KIF4A: variants seen among roughly 807,000 people sequenced by gnomAD.
KIF4A encodes kinesin family member 4A.
Under a neutral mutation model 105.9 loss-of-function variants are expected in KIF4A, and 7 were observed. The ratio of observed to expected loss-of-function variants is 0.07; its 90% CI spans 0.04 to 0.12. The LOEUF is 0.12. Among genes scored for constraint, KIF4A ranks in the 10% least tolerant of loss-of-function variants. The pLI is 1.00. For missense variants in KIF4A, 558 were observed against 929.2 expected, an observed-to-expected ratio of 0.60 and a Z score of 5.19; for synonymous variants, 281 against 331.3, an observed-to-expected ratio of 0.85 and a Z score of 1.65.
chrX:70,322,424 G>C (rs894708941), intron 7 of KIF4A, among the ~76,000 whole-genome samples: 2 of 109,442 alleles, frequency 1.8e-5, no homozygotes, highest in African/African-American at 6.7e-5. Context: ...CCATTCTCCT[G>C]CCTCAGCCTC....
intron 17 of KIF4A, 55 bp from the exon 18 acceptor site, chrX:70,376,045 C>T: frequency 1.2e-6 from 1 of 834,789 alleles, no homozygotes; most frequent in Admixed American, 2.5e-5. Flanking sequence ...CCATCCGCAC[C>T]AGCCTAGAAT....
At chrX:70,308,453 A>G (rs1007736952) in intron 7 of KIF4A, among the ~76,000 whole-genome samples, 6 of 112,560 alleles carry the variant, frequency 5.3e-5, no homozygotes, top group African/African-American at 1.6e-4. Context: ...TCCAGAGGTG[A>G]ACACTTTCAT....
chrX:70,339,423 G>A (rs1479260582), intron 10 of KIF4A, among the ~76,000 whole-genome samples: 2 of 111,660 alleles, frequency 1.8e-5, no homozygotes, highest in Non-Finnish European at 3.8e-5. Context: ...TACTCATTTA[G>A]AAGCAATTGA....
At chrX:70,302,235 C>A in intron 6 of KIF4A, 69 bp from the exon 7 acceptor site, 1 of 1,149,139 alleles carries the variant, frequency 8.7e-7, no homozygotes, top group South Asian at 1.9e-5. Flanking sequence ...GCTGACAGGT[C>A]AGCTTTGATA....
At chrX:70,386,046 A>G (rs1342381567) in intron 18 of KIF4A, among the ~76,000 whole-genome samples, 3 of 109,099 alleles carry the variant, frequency 2.7e-5, no homozygotes, top group South Asian at 4.1e-4. Flanking sequence ...AGAGCCCCCA[A>G]TGTCTATTGT....
intron 15 of KIF4A, among the ~76,000 whole-genome samples, chrX:70,365,051 A>G (rs1209948018): frequency 3.6e-5 from 4 of 111,145 alleles, no homozygotes; most frequent in Non-Finnish European, 7.5e-5. Context: ...TTTGTCTGTT[A>G]TTGGTGTATA....
At chrX:70,359,448 T>A (rs1387144844) in intron 15 of KIF4A, among the ~76,000 whole-genome samples, 5 of 108,884 alleles carry the variant, frequency 4.6e-5, no homozygotes, top group Non-Finnish European at 7.6e-5. Flanking sequence ...TCTCTCTCTC[T>A]CTCTCTCTTT....
intron 29 of KIF4A, among the ~76,000 whole-genome samples, chrX:70,419,396 G>C (rs1003351625): frequency 8.9e-6 from 1 of 112,156 alleles, no homozygotes; most frequent in Non-Finnish European, 1.9e-5. Context: ...ACCGAGGCTT[G>C]TCTTTGCTTT....
chrX:70,310,676 T>C (rs1296249373), intron 7 of KIF4A, among the ~76,000 whole-genome samples: 1 of 111,353 alleles, frequency 9.0e-6, no homozygotes, highest in African/African-American at 3.3e-5. Context: ...TTTGTATCAT[T>C]TTACACCCCA....
At chrX:70,385,511 G>T (rs1194159860) in intron 18 of KIF4A, among the ~76,000 whole-genome samples, 3 of 112,131 alleles carry the variant, frequency 2.7e-5, no homozygotes, top group Non-Finnish European at 5.6e-5. Context: ...TGTATTCTCT[G>T]GTAATCTCTG....
chrX:70,308,205 G>T (rs2085835059), intron 7 of KIF4A, among the ~76,000 whole-genome samples: 1 of 112,146 alleles, frequency 8.9e-6, no homozygotes, highest in African/African-American at 3.2e-5. Context: ...TCTTAGCTAG[G>T]CTTTTGTTTA....
chrX:70,397,574 C>T (rs1417984299), intron 22 of KIF4A, among the ~76,000 whole-genome samples: 1 of 112,102 alleles, frequency 8.9e-6, no homozygotes, highest in Non-Finnish European at 1.9e-5. Context: ...AATGAATGTT[C>T]TTCTGTCCCT....
At chrX:70,306,542 T>A (rs940837301) in intron 7 of KIF4A, among the ~76,000 whole-genome samples, 2 of 111,838 alleles carry the variant, frequency 1.8e-5, no homozygotes, top group Non-Finnish European at 3.8e-5. Flanking sequence ...TTATCTTTAT[T>A]TTATTTTATT....
chrX:70,341,739 C>T, intron 10 of KIF4A, 60 bp from the exon 11 acceptor site: 2 of 1,115,374 alleles, frequency 1.8e-6, no homozygotes, highest in South Asian at 4.1e-5. Flanking sequence ...TTTTTATCCA[C>T]CTTTGATATA....
intron 15 of KIF4A, among the ~76,000 whole-genome samples, chrX:70,366,969 T>G (rs2086106677): frequency 8.9e-6 from 1 of 112,229 alleles, no homozygotes; most frequent in Non-Finnish European, 1.9e-5. Context: ...GATAGTTAGC[T>G]CTTCTTGTTG....
intron 2 of KIF4A, 39 bp downstream of exon 2, chrX:70,290,617 G>A (rs1178306168): frequency 8.3e-7 from 1 of 1,206,417 alleles, no homozygotes; most frequent in Non-Finnish European, 1.1e-6. Context: ...TGAACAGCTG[G>A]GGCCAAATGG....
intron 20 of KIF4A, among the ~76,000 whole-genome samples, chrX:70,389,049 A>AG (rs1232671528): frequency 1.8e-5 from 2 of 111,319 alleles, no homozygotes; most frequent in African/African-American, 6.5e-5. Flanking sequence ...CAGGAGTTCA[A>AG]GACCAGCCTG....
rs899321671 is a variant in KIF4A at position 70,341,817 on chromosome X, T to C, written c.1152T>C (p.Asn384=). Residue 384 remains asparagine (N), a synonymous_variant, in exon 11 of 31, where the codon AAT becomes AAC. Coordinates refer to ENST00000374403, the MANE Select transcript of KIF4A (RefSeq NM_012310.5). ...GTTTTAGTGTGGAACCATCAGAGAATCTACAATCCCTGATGGAGAAGAATC... is the reference window on the plus strand; with the variant it reads ...GTTTTAGTGTGGAACCATCAGAGAACCTACAATCCCTGATGGAGAAGAATC... ...PGSITVEPSE[N]LQSLMEKNQS... is the part of the protein sequence containing the mutation. 1 of 1,209,159 alleles carries C rather than the reference T, an allele frequency of 8.3e-7. No individual in the cohort carries two copies. The highest frequency in any genetic ancestry group is 1.7e-5 in the African/African-American group (1 of 57,330).
In KIF4A at chrX:70,290,366, CG is replaced by C. The variant is rs757217776; in HGVS notation, c.-21-68del. 6.7e-4 allele frequency: 743 copies of C among 1,110,634 alleles called. 6 individuals carry two copies. The South Asian group carries it at 0.011, about 16-fold the overall frequency. The allele number at this position is 1,110,634 out of a possible 1,213,427, so 91.5% of individuals were successfully genotyped here. A position where few individuals can be genotyped will look rare whatever the true frequency, so the allele number is the denominator to read the frequency against. ...TGTTCCCGCTGAGGAGGGTCGGAAC[CG>C]GGGAGGACGCCCTCCCACCCCTGCT... On this transcript the variant is annotated intron_variant, in intron 1 of 30. Coordinates refer to ENST00000374403, the MANE Select transcript of KIF4A (RefSeq NM_012310.5).
Sources: allele counts gnomAD v4.1 joint callset (sites outside exome capture counted in the v4.1 genomes callset), GRCh38; gene constraint gnomAD v4.1.1; transcripts MANE v1.5; gene names NCBI Gene and HGNC (gene_info 2026-07-23, HGNC 2026-07-21).